Variants in PPARG observed in about 807,000 individuals in gnomAD.
PPARG encodes peroxisome proliferator activated receptor gamma, also known as peroxisome proliferator-activated receptor gamma.
In PPARG, 17 loss-of-function variants were observed where a neutral mutation model predicts 39.2. The ratio of observed to expected loss-of-function variants is 0.43; its 90% CI spans 0.30 to 0.65. The LOEUF is 0.65. Among genes scored for constraint, PPARG ranks in the 30% least tolerant of loss-of-function variants. The pLI, the probability that PPARG is intolerant of heterozygous loss-of-function variation, is 0.13. For synonymous variants in PPARG, 223 were observed against 215.7 expected, an observed-to-expected ratio of 1.03 and a Z score of -0.30; for missense variants, 406 against 585.9, an observed-to-expected ratio of 0.69 and a Z score of 3.17.
chr3:12,384,230 G>A (rs943776452), intron 4 of PPARG, among the ~76,000 whole-genome samples: 4 of 152,052 alleles, frequency 2.6e-5, no homozygotes, highest in Non-Finnish European at 2.9e-5. Context: ...ATTTTGATAT[G>A]CAGTCTTTCA....
chr3:12,289,841 C>T (rs184525193), intron 1 of PPARG, among the ~76,000 whole-genome samples: 4 of 152,238 alleles, frequency 2.6e-5, no homozygotes, highest in African/African-American at 7.2e-5. Context: ...TATATCAAAA[C>T]ATTCTGTTCA....
At chr3:12,365,479 A>T (rs1180902414) in intron 2 of PPARG, among the ~76,000 whole-genome samples, 1 of 152,038 alleles carries the variant, frequency 6.6e-6, no homozygotes, top group Admixed American at 6.6e-5. Flanking sequence ...GTTTTCTCCT[A>T]TATTGTCTTC....
chr3:12,389,497 A>G (rs2049993774), intron 4 of PPARG, among the ~76,000 whole-genome samples: 1 of 152,250 alleles, frequency 6.6e-6, no homozygotes, highest in African/African-American at 2.4e-5. Flanking sequence ...TCACCTTAGA[A>G]GTAAATTGAC....
chr3:12,305,447 A>G (rs2047036519), intron 1 of PPARG, among the ~76,000 whole-genome samples: 1 of 152,244 alleles, frequency 6.6e-6, no homozygotes, highest in African/African-American at 2.4e-5. Context: ...ACTTTGACTC[A>G]TAAATTTTTG....
chr3:12,381,855 G>T (rs1369912804), intron 4 of PPARG, among the ~76,000 whole-genome samples: 1 of 152,180 alleles, frequency 6.6e-6, no homozygotes, highest in Non-Finnish European at 1.5e-5. Context: ...CTTCTCCAAG[G>T]TGTCATGGCA....
At chr3:12,390,554 A>G (rs1396989638) in intron 4 of PPARG, among the ~76,000 whole-genome samples, 1 of 112,648 alleles carries the variant, frequency 8.9e-6, no homozygotes, top group Non-Finnish European at 2.0e-5. Flanking sequence ...GTATAATACC[A>G]TTTAATAAAG....
At chr3:12,336,989 C>T (rs751718651) in intron 2 of PPARG, among the ~76,000 whole-genome samples, 22 of 152,080 alleles carry the variant, frequency 1.4e-4, no homozygotes, top group African/African-American at 4.8e-4. Context: ...CCTAATGCTG[C>T]GCTAAGAATT....
intron 1 of PPARG, among the ~76,000 whole-genome samples, chr3:12,298,402 G>GACAC (rs561853093): frequency 1.1e-3 from 150 of 140,314 alleles, no homozygotes; most frequent in Admixed American, 4.2e-3. Flanking sequence ...TATATGTATA[G>GACAC]ACACACACAC....
chr3:12,425,850 C>T (rs1479445116), intron 7 of PPARG, among the ~76,000 whole-genome samples: 1 of 152,172 alleles, frequency 6.6e-6, no homozygotes, highest in East Asian at 1.9e-4. Context: ...AGGTAGGGAC[C>T]CAAGGGCTTT....
chr3:12,308,801 T>C (rs2047148196), intron 1 of PPARG, among the ~76,000 whole-genome samples: 1 of 151,692 alleles, frequency 6.6e-6, no homozygotes, highest in Non-Finnish European at 1.5e-5. Flanking sequence ...ACTGAGAAAA[T>C]AGAATTGAAG....
chr3:12,372,349 C>G (rs2049248521), intron 2 of PPARG, among the ~76,000 whole-genome samples: 1 of 152,192 alleles, frequency 6.6e-6, no homozygotes, highest in Admixed American at 6.5e-5. Flanking sequence ...GAGCTTCAGA[C>G]CATCTGGATT....
chr3:12,294,797 G>A (rs548087518), intron 1 of PPARG, among the ~76,000 whole-genome samples: 108 of 152,280 alleles, frequency 7.1e-4, no homozygotes, highest in African/African-American at 2.6e-3. Context: ...GGTGGCTGAG[G>A]CAGGAGAATC....
intron 2 of PPARG, among the ~76,000 whole-genome samples, chr3:12,317,305 T>C (rs2047416040): frequency 2.0e-5 from 3 of 152,208 alleles, no homozygotes; most frequent in Admixed American, 2.0e-4. Flanking sequence ...TTTTGTTCAT[T>C]TCTTTTCATT....
At chr3:12,356,553 G>A (rs952142842) in intron 2 of PPARG, among the ~76,000 whole-genome samples, 15 of 152,094 alleles carry the variant, frequency 9.9e-5, no homozygotes, top group African/African-American at 3.6e-4. Context: ...GTTTTTATAT[G>A]GCCTTTTAGC....
Position 12,318,166 on chromosome 3 carries a change from G to A in PPARG, c.-9+5713G>A, listed in dbSNP as rs565910327. On this transcript the variant is annotated intron_variant, in intron 2 of 7. Coordinates refer to ENST00000651735, the MANE Select transcript of PPARG (RefSeq NM_138711.6). ...TTGCTAAATTATTTTCAGAGATGAG[G>A]CCTTGCTATGTTGCTCAGACTGGTC... is the stretch of plus-strand genomic sequence containing the variant. Among the ~76,000 whole-genome samples the A allele has an allele frequency of 3.3e-5, 5 of 152,136 alleles. No homozygotes were observed. In the South Asian group the frequency reaches 1.0e-3, roughly 32 times the overall value.
At chr3:12,290,765 G>A (rs184512217) in intron 1 of PPARG, among the ~76,000 whole-genome samples, 1 of 152,250 alleles carries the variant, frequency 6.6e-6, no homozygotes. Context: ...TTATGTGCAT[G>A]AAAGCTGTGT....
At chr3:12,306,235 CAAT>C (rs2047059902) in intron 1 of PPARG, among the ~76,000 whole-genome samples, 1 of 152,190 alleles carries the variant, frequency 6.6e-6, no homozygotes, top group Non-Finnish European at 1.5e-5. Context: ...GCACAGTTCA[CAAT>C]AGGGTTTGCA....
chr3:12,419,893 C>G (rs1004473761), intron 7 of PPARG, among the ~76,000 whole-genome samples: 1 of 152,070 alleles, frequency 6.6e-6, no homozygotes, highest in Non-Finnish European at 1.5e-5. Flanking sequence ...TTCACTTAGT[C>G]AATTTCCCAT....
At chr3:12,368,851 A>G (rs1490523781) in intron 2 of PPARG, among the ~76,000 whole-genome samples, 1 of 152,196 alleles carries the variant, frequency 6.6e-6, no homozygotes, top group Non-Finnish European at 1.5e-5. Flanking sequence ...TGGCTGAAGC[A>G]TCAAAACCAT....
Sources: allele counts gnomAD v4.1 joint callset (sites outside exome capture counted in the v4.1 genomes callset), GRCh38; gene constraint gnomAD v4.1.1; transcripts MANE v1.5; gene names NCBI Gene and HGNC (gene_info 2026-07-23, HGNC 2026-07-21).